EIF3H: variants seen among roughly 807,000 people sequenced by gnomAD.
EIF3H encodes the protein eukaryotic translation initiation factor 3 subunit H, also known as eIF-3-gamma.
Under a neutral mutation model 44.2 loss-of-function variants are expected in EIF3H, and 26 were observed. The ratio of observed to expected loss-of-function variants is 0.59; its 90% CI spans 0.43 to 0.82. The LOEUF is 0.82. EIF3H is among the 40% of genes least tolerant of loss of function. EIF3H has a pLI of 0.00. For missense variants in EIF3H, 359 were observed against 432.8 expected, an observed-to-expected ratio of 0.83 and a Z score of 1.51; for synonymous variants, 166 against 151.9, an observed-to-expected ratio of 1.09 and a Z score of -0.68.
intron 1 of EIF3H, among the ~76,000 whole-genome samples, chr8:116,729,336 G>A (rs76367432): frequency 0.01 from 1,557 of 152,232 alleles, 27 homozygotes; most frequent in African/African-American, 0.035. Flanking sequence ...TTCCAGTTAT[G>A]AAGAAAATAG....
chr8:116,739,363 T>C (rs1325892937), intron 1 of EIF3H, among the ~76,000 whole-genome samples: 1 of 152,224 alleles, frequency 6.6e-6, no homozygotes, highest in Non-Finnish European at 1.5e-5. Flanking sequence ...TCAATAAATA[T>C]GTGGCGGCCG....
intron 2 of EIF3H, among the ~76,000 whole-genome samples, chr8:116,688,180 C>T (rs957623367): frequency 6.6e-6 from 1 of 152,116 alleles, no homozygotes; most frequent in Non-Finnish European, 1.5e-5. Flanking sequence ...ACAAGCTAGA[C>T]AGTAGTGAAA....
chr8:116,652,035 A>C (rs1431655960), intron 5 of EIF3H, among the ~76,000 whole-genome samples: 1 of 152,222 alleles, frequency 6.6e-6, no homozygotes, highest in Non-Finnish European at 1.5e-5. Context: ...GCAGTAAGTC[A>C]CAGGAGTAAG....
chr8:116,674,587 A>G (rs1403969617), intron 2 of EIF3H, among the ~76,000 whole-genome samples: 5 of 152,226 alleles, frequency 3.3e-5, no homozygotes, highest in African/African-American at 2.4e-5. Flanking sequence ...ACAAGAACAC[A>G]TATGTTCAGA....
intron 2 of EIF3H, among the ~76,000 whole-genome samples, chr8:116,724,551 A>AT (rs1474276201): frequency 6.6e-6 from 1 of 152,186 alleles, no homozygotes; most frequent in East Asian, 1.9e-4. Flanking sequence ...TGCAAACCCC[A>AT]TATCTGATAA....
chr8:116,645,194 C>T, intron 7 of EIF3H, 91 bp from the exon 8 acceptor site: 1 of 913,530 alleles, frequency 1.1e-6, no homozygotes, highest in Non-Finnish European at 1.7e-6. Context: ...CAGCATAAAA[C>T]AGAATCACCT....
At chr8:116,762,753 G>GCCAC (rs1815531052) in intron 1 of EIF3H, among the ~76,000 whole-genome samples, 1 of 152,148 alleles carries the variant, frequency 6.6e-6, no homozygotes, top group Non-Finnish European at 1.5e-5. Flanking sequence ...GGCCAGCCTG[G>GCCAC]CCAGCATAGT....
chr8:116,743,973 A>G (rs1465809451), intron 1 of EIF3H, among the ~76,000 whole-genome samples: 1 of 151,950 alleles, frequency 6.6e-6, no homozygotes, highest in Non-Finnish European at 1.5e-5. Context: ...AGTACAAAAT[A>G]AAGTCTGTAA....
In EIF3H at chr8:116,645,108, G is replaced by T; in HGVS notation, c.962-5C>A. 1 of 1,611,216 alleles carries T rather than the reference G, an allele frequency of 6.2e-7. No individual in the cohort carries two copies. The highest frequency in any genetic ancestry group is 8.5e-7 in the Non-Finnish European group (1 of 1,177,716). ...GGCAGTAAGTGTTTATCTGGCCTGT[G>T]CATTTGAGAAAGAGATAGAGCCATA... On this transcript the variant is annotated splice_region_variant and splice_polypyrimidine_tract_variant and intron_variant, in intron 7 of 7. Coordinates refer to ENST00000521861, the MANE Select transcript of EIF3H (RefSeq NM_003756.3).
intron 2 of EIF3H, among the ~76,000 whole-genome samples, chr8:116,717,190 C>A (rs1446748890): frequency 6.6e-6 from 1 of 151,810 alleles, no homozygotes; most frequent in African/African-American, 2.4e-5. Context: ...TATGGGTTAG[C>A]AAGGAGGTGA....
chr8:116,687,823 A>T (rs1229981993), intron 2 of EIF3H, among the ~76,000 whole-genome samples: 1 of 152,184 alleles, frequency 6.6e-6, no homozygotes, highest in Non-Finnish European at 1.5e-5. Flanking sequence ...ATTCATTTAA[A>T]TAAGCAACCT....
At chr8:116,697,800 A>T (rs1415966024) in intron 2 of EIF3H, among the ~76,000 whole-genome samples, 1 of 152,256 alleles carries the variant, frequency 6.6e-6, no homozygotes, top group African/African-American at 2.4e-5. Flanking sequence ...CTGAATAAAG[A>T]TTGGTCTTGA....
chr8:116,683,061 A>G (rs1814016793), intron 2 of EIF3H, among the ~76,000 whole-genome samples: 1 of 152,242 alleles, frequency 6.6e-6, no homozygotes, highest in African/African-American at 2.4e-5. Flanking sequence ...CATCCCTTCT[A>G]TCAGGAATAA....
chr8:116,669,227 A>C (rs1272942463), intron 2 of EIF3H, among the ~76,000 whole-genome samples: 1 of 152,222 alleles, frequency 6.6e-6, no homozygotes, highest in Non-Finnish European at 1.5e-5. Context: ...GATTCAATAA[A>C]GAAAGAGACA....
At chr8:116,692,936 G>C (rs972443576) in intron 2 of EIF3H, among the ~76,000 whole-genome samples, 1 of 151,966 alleles carries the variant, frequency 6.6e-6, no homozygotes. Flanking sequence ...TTTTATCTTT[G>C]TATCAATACC....
chr8:116,650,516 AATAG>A (rs1212912521), intron 5 of EIF3H, among the ~76,000 whole-genome samples: 2 of 152,264 alleles, frequency 1.3e-5, no homozygotes, highest in Admixed American at 6.5e-5. Context: ...TCAAATGATG[AATAG>A]ATAAATAAAA....
At chr8:116,679,451 G>A (rs1335406313) in intron 2 of EIF3H, among the ~76,000 whole-genome samples, 105 of 46,538 alleles carry the variant, frequency 2.3e-3, no homozygotes, top group African/African-American at 5.4e-3. Context: ...CCGTCCGGGA[G>A]GTGAGGGGCG....
chr8:116,653,703 T>C (rs1563633087), intron 5 of EIF3H, among the ~76,000 whole-genome samples: 1 of 152,208 alleles, frequency 6.6e-6, no homozygotes, highest in East Asian at 1.9e-4. Context: ...AGAATTGTTT[T>C]ACATGTGTGA....
At chr8:116,650,710 G>C (rs1165874975) in intron 5 of EIF3H, among the ~76,000 whole-genome samples, 1 of 152,198 alleles carries the variant, frequency 6.6e-6, no homozygotes, top group Non-Finnish European at 1.5e-5. Context: ...CATCATCCAG[G>C]CTGGTGCAGT....
Sources: allele counts gnomAD v4.1 joint callset (sites outside exome capture counted in the v4.1 genomes callset), GRCh38; gene constraint gnomAD v4.1.1; transcripts MANE v1.5; gene names NCBI Gene and HGNC (gene_info 2026-07-23, HGNC 2026-07-21).